RAPGEF4: variants seen among roughly 807,000 people sequenced by gnomAD.
The protein encoded by RAPGEF4 is RAP guanine-nucleotide-exchange factor (GEF) 4.
Under a neutral mutation model 147.9 loss-of-function variants are expected in RAPGEF4, and 66 were observed. The ratio of observed to expected loss-of-function variants is 0.45; its 90% confidence interval spans 0.37 to 0.55. RAPGEF4 has a LOEUF of 0.55. Among genes scored for constraint, RAPGEF4 ranks in the 20% least tolerant of loss-of-function variants. The pLI is 0.00. For synonymous variants in RAPGEF4, 419 were observed against 442.7 expected (o/e 0.95, Z 0.67); for missense variants, 1,071 against 1,257.3 (o/e 0.85, Z 2.24).
At chr2:172,814,722 A>G in intron 4 of RAPGEF4, 1 of 383,718 alleles carries the variant, frequency 2.6e-6, no homozygotes. Flanking sequence ...TTTTCCACAG[A>G]TGTATTCTTA....
intron 4 of RAPGEF4, among the ~76,000 whole-genome samples, chr2:172,842,062 C>G (rs1017391207): frequency 2.6e-5 from 4 of 152,108 alleles, no homozygotes; most frequent in African/African-American, 9.7e-5. Flanking sequence ...AATTATTCAT[C>G]CAGCAAGTAT....
Position 173,027,065 on chromosome 2 carries a change from T to C in RAPGEF4, c.2380-16T>C. On this transcript the variant is annotated splice_polypyrimidine_tract_variant and intron_variant, in intron 24 of 30. Coordinates refer to ENST00000397081, the MANE Select transcript of RAPGEF4 (RefSeq NM_007023.4). ...TTAAAAAAAAATAAGCAAAATTGTTTTCCTTTATTTTCTAGCTGGAGCTAA... is the reference window on the plus strand; with the variant it reads ...TTAAAAAAAAATAAGCAAAATTGTTCTCCTTTATTTTCTAGCTGGAGCTAA... The C allele has an allele frequency of 1.3e-6, 2 of 1,564,010 alleles. No individual in the cohort carries two copies. The highest frequency in any genetic ancestry group is 4.5e-5 in the East Asian group (2 of 44,082).
intron 8 of RAPGEF4, among the ~76,000 whole-genome samples, chr2:172,962,292 T>C (rs544505053): frequency 1.3e-5 from 2 of 152,118 alleles, no homozygotes; most frequent in African/African-American, 4.8e-5. Context: ...CCCATCAGCA[T>C]TGGCATGAGT....
At chr2:172,970,036 C>T (rs562349950) in intron 10 of RAPGEF4, among the ~76,000 whole-genome samples, 115 of 152,182 alleles carry the variant, frequency 7.6e-4, no homozygotes, top group African/African-American at 2.6e-3. Context: ...ACTTTGCAAA[C>T]GTTGGAATTG....
At chr2:172,881,584 A>G (rs1327949938) in intron 4 of RAPGEF4, among the ~76,000 whole-genome samples, 4 of 152,230 alleles carry the variant, frequency 2.6e-5, no homozygotes, top group East Asian at 3.8e-4. Flanking sequence ...GGGGAAGGAC[A>G]TTAGGTTCAG....
intron 16 of RAPGEF4, among the ~76,000 whole-genome samples, chr2:172,998,587 G>C (rs1208724771): frequency 2.0e-5 from 3 of 152,162 alleles, no homozygotes; most frequent in Non-Finnish European, 4.4e-5. Flanking sequence ...GCCAAGCACT[G>C]GGAAGTGGTT....
chr2:172,779,162 A>T (rs548902263), intron 1 of RAPGEF4, among the ~76,000 whole-genome samples: 4 of 152,220 alleles, frequency 2.6e-5, no homozygotes, highest in African/African-American at 9.6e-5. Flanking sequence ...AATTGTTTTT[A>T]AAAAAGAATC....
intron 4 of RAPGEF4, among the ~76,000 whole-genome samples, chr2:172,887,212 A>G (rs993364006): frequency 8.5e-5 from 13 of 152,158 alleles, no homozygotes; most frequent in South Asian, 2.1e-4. Flanking sequence ...AAAAAAGAAA[A>G]AAAGAAAAAA....
chr2:172,843,636 G>A (rs1691857003), intron 4 of RAPGEF4, among the ~76,000 whole-genome samples: 2 of 152,180 alleles, frequency 1.3e-5, no homozygotes, highest in African/African-American at 4.8e-5. Flanking sequence ...AACCTGACCT[G>A]AACAGGTATT....
At chr2:172,873,290 C>T (rs141513646) in intron 4 of RAPGEF4, among the ~76,000 whole-genome samples, 3 of 152,136 alleles carry the variant, frequency 2.0e-5, no homozygotes, top group Non-Finnish European at 4.4e-5. Flanking sequence ...TCTCAGGGAA[C>T]CTTGTTCAGA....
chr2:172,995,436 C>T (rs369814467), intron 15 of RAPGEF4, among the ~76,000 whole-genome samples: 4 of 152,226 alleles, frequency 2.6e-5, no homozygotes, highest in South Asian at 2.1e-4. Flanking sequence ...TGTGCCACCA[C>T]GCCCAGCTAA....
chr2:172,917,933 A>G, intron 5 of RAPGEF4, 59 bp downstream of exon 5: 1 of 1,444,292 alleles, frequency 6.9e-7, no homozygotes. Context: ...ATGTGTTTTC[A>G]TGTGACAAAA....
chr2:172,993,128 T>C (rs1692993939), intron 15 of RAPGEF4, among the ~76,000 whole-genome samples: 1 of 152,176 alleles, frequency 6.6e-6, no homozygotes, highest in African/African-American at 2.4e-5. Context: ...TCCAGAATAG[T>C]TTATGTGCAC....
At chr2:172,961,007 G>T (rs1306305401) in intron 7 of RAPGEF4, 115 bp from the exon 8 acceptor site, 7 of 928,038 alleles carry the variant, frequency 7.5e-6, no homozygotes. Context: ...CACTGAGTGA[G>T]TTATGTTTTC....
At position 173,014,543 on chromosome 2, in the gene RAPGEF4, C is replaced by T. The variant is rs1476274723; in HGVS notation, c.1738C>T (p.Leu580=). ...ALNNKRRVIR[L]VLQWAAMYGD... is the part of the protein sequence containing the mutation. ...CAACAATAAGAGGCGAGTCATCCGC[C>T]TGGTTCTACAGTGGGCTGCCATGTA... The change falls in exon 18 of 31, where the codon CTG becomes TTG. Residue 580 remains leucine, a synonymous_variant. Coordinates refer to ENST00000397081, the MANE Select transcript of RAPGEF4 (RefSeq NM_007023.4). 2 of 1,614,188 alleles carry T rather than the reference C, an allele frequency of 1.2e-6. No homozygotes were observed. The highest frequency in any genetic ancestry group is 1.7e-6 in the Non-Finnish European group (2 of 1,180,020).
At chr2:172,907,963 G>A (rs1405496849) in intron 4 of RAPGEF4, among the ~76,000 whole-genome samples, 1 of 152,162 alleles carries the variant, frequency 6.6e-6, no homozygotes, top group Non-Finnish European at 1.5e-5. Flanking sequence ...AAGAGACTGA[G>A]GTAAGTAACT....
chr2:172,754,381 A>C (rs1420638419), intron 1 of RAPGEF4, among the ~76,000 whole-genome samples: 1 of 152,206 alleles, frequency 6.6e-6, no homozygotes, highest in East Asian at 1.9e-4. Context: ...TAATGGAATA[A>C]TGTTTTATAT....
intron 1 of RAPGEF4, among the ~76,000 whole-genome samples, chr2:172,760,809 G>T (rs915171407): frequency 6.6e-6 from 1 of 151,580 alleles, no homozygotes; most frequent in African/African-American, 2.4e-5. Context: ...AACAATATAA[G>T]TTACCCAATT....
rs1685815971 is a variant in RAPGEF4, at chr2:173,048,743, G to A, written c.2908+89G>A. On this transcript the variant is annotated intron_variant, in intron 30 of 30. Coordinates refer to ENST00000397081, the MANE Select transcript of RAPGEF4 (RefSeq NM_007023.4). ...CCATTGAGACACCCTTGGAGCCTGG[G>A]AAATATCTGACTGTGTCAGAGACAC... 1.9e-6 allele frequency: 3 copies of A among 1,587,718 alleles called. No individual in the cohort carries two copies. In the Admixed American group the frequency reaches 5.5e-5, roughly 29 times the overall value.
Sources: allele counts gnomAD v4.1 joint callset (sites outside exome capture counted in the v4.1 genomes callset), GRCh38; gene constraint gnomAD v4.1.1; transcripts MANE v1.5; gene names NCBI Gene and HGNC (gene_info 2026-07-23, HGNC 2026-07-21).